Variants in SHROOM3 observed in about 807,000 individuals in gnomAD.
The protein encoded by SHROOM3 is protein Shroom3.
A neutral mutation model predicts 138.6 loss-of-function variants in SHROOM3; 47 were observed. The ratio of observed to expected loss-of-function variants is 0.34; its 90% CI spans 0.27 to 0.43. The LOEUF is 0.43. Among genes scored for constraint, SHROOM3 ranks in the 20% least tolerant of loss-of-function variants. SHROOM3 has a pLI of 1.00. For synonymous variants in SHROOM3, 1,062 were observed against 1,063.3 expected (o/e 1.00, Z 0.02); for missense variants, 2,491 against 2,596.5 (o/e 0.96, Z 0.88).
At chr4:76,747,848 A>G (rs1377709325) in intron 5 of SHROOM3, among the ~76,000 whole-genome samples, 1 of 152,180 alleles carries the variant, frequency 6.6e-6, no homozygotes, top group Non-Finnish European at 1.5e-5. Flanking sequence ...TTCAACCTAT[A>G]AAGATTCCAT....
chr4:76,445,362 G>T (rs925374521), intron 1 of SHROOM3, among the ~76,000 whole-genome samples: 1 of 152,286 alleles, frequency 6.6e-6, no homozygotes, highest in Admixed American at 6.5e-5. Flanking sequence ...GCTAATTTCA[G>T]GGTGTGGTAA....
intron 2 of SHROOM3, among the ~76,000 whole-genome samples, chr4:76,593,361 G>A (rs1734315386): frequency 1.3e-5 from 2 of 152,154 alleles, no homozygotes; most frequent in South Asian, 2.1e-4. Flanking sequence ...TCCTACCAGA[G>A]ATCATGTAAT....
intron 2 of SHROOM3, chr4:76,689,535 G>T: frequency 2.0e-6 from 2 of 984,006 alleles, no homozygotes; most frequent in African/African-American, 1.7e-5. Context: ...GCCGCGGCGC[G>T]GTGGCGCGGT....
At chr4:76,457,632 C>T (rs1457181700) in intron 1 of SHROOM3, among the ~76,000 whole-genome samples, 4 of 151,672 alleles carry the variant, frequency 2.6e-5, no homozygotes, top group Non-Finnish European at 5.9e-5. Flanking sequence ...GCTGGGATTA[C>T]AGGCACGCAC....
At chr4:76,776,928 G>C (rs1578041614) in intron 10 of SHROOM3, among the ~76,000 whole-genome samples, 1 of 152,014 alleles carries the variant, frequency 6.6e-6, no homozygotes, top group Non-Finnish European at 1.5e-5. Flanking sequence ...TTTATTTCTG[G>C]GTTCTCTATT....
rs1186107271 is a variant in SHROOM3 at position 76,709,957 on chromosome 4, C to T, written c.324-199C>T. ...GAGGAACATGGATAAAAAAGGAAGACACGACACTCAGTAGTGGATTCGCCT... is the reference window on the plus strand; with the variant it reads ...GAGGAACATGGATAAAAAAGGAAGATACGACACTCAGTAGTGGATTCGCCT... On this transcript the variant is annotated intron_variant, in intron 2 of 10. Transcript: ENST00000296043. 5.2e-6 allele frequency: 3 copies of T among 576,640 alleles called. No individual in the cohort carries two copies. The South Asian group carries it at 6.1e-5, about 12-fold the overall frequency. 35.7% of individuals were successfully genotyped at this position (576,640 alleles called of 1,614,324 possible).
chr4:76,741,446 G>C lies in SHROOM3; in HGVS notation c.3273G>C (p.Gln1091His), dbSNP rs1218393219. 6 of 1,583,828 alleles carry C rather than the reference G, an allele frequency of 3.8e-6. No homozygotes were observed. The highest frequency in any genetic ancestry group is 3.4e-5 in the South Asian group (3 of 87,376). Reference protein sequence around the residue: ...FQQSALADYIQRKTGKRPTSA... With the variant: ...FQQSALADYIHRKTGKRPTSA... ...AGAGCGCCCTGGCGGACTACATCCAGCGCAAGACCGGCAAGCGGCCTACCT... is the reference window on the plus strand; with the variant it reads ...AGAGCGCCCTGGCGGACTACATCCACCGCAAGACCGGCAAGCGGCCTACCT... Residue 1091 changes from glutamine (Q) to histidine (H), a missense_variant, in exon 5 of 11, where the codon CAG becomes CAC. Physicochemically the swap from Gln to His is conservative, Grantham distance 24. Around this residue, in one of 4 missense-constraint regions of SHROOM3, gnomAD observed 1,733 missense variants for 1,661.6 expected, o/e 1.04. Transcript: ENST00000296043. This position sits in a 1 kb window ranked among gnomAD's most constrained non-coding sequence, Gnocchi z 6.2.
chr4:76,442,944 T>G (rs139541187), intron 1 of SHROOM3, among the ~76,000 whole-genome samples: 86 of 152,314 alleles, frequency 5.6e-4, no homozygotes, highest in African/African-American at 1.9e-3. Flanking sequence ...AAAATCTTTG[T>G]TAGAAGCTAC....
chr4:76,736,365 C>CCATT (rs1246105202), intron 4 of SHROOM3, among the ~76,000 whole-genome samples: 6 of 152,138 alleles, frequency 3.9e-5, no homozygotes, highest in African/African-American at 1.4e-4. Context: ...GTAGGATGCG[C>CCATT]CATTCAGTCA....
At chr4:76,537,982 A>G (rs2110019052) in intron 1 of SHROOM3, among the ~76,000 whole-genome samples, 1 of 152,288 alleles carries the variant, frequency 6.6e-6, no homozygotes, top group East Asian at 1.9e-4. Flanking sequence ...ATCTCTGCTC[A>G]CTGCAACCTC....
At chr4:76,688,934 G>A in intron 2 of SHROOM3, 1 of 976,630 alleles carries the variant, frequency 1.0e-6, no homozygotes, top group Non-Finnish European at 1.2e-6. Context: ...CTGAGAAAAA[G>A]GATGGTTATT....
chr4:76,459,379 C>A (rs185590733), intron 1 of SHROOM3, among the ~76,000 whole-genome samples: 2 of 152,222 alleles, frequency 1.3e-5, no homozygotes, highest in Non-Finnish European at 2.9e-5. Context: ...TGCTACACAG[C>A]CGAATAGTTG....
chr4:76,612,167 C>G (rs1437977040), intron 2 of SHROOM3, among the ~76,000 whole-genome samples: 1 of 152,078 alleles, frequency 6.6e-6, no homozygotes, highest in Non-Finnish European at 1.5e-5. Context: ...ATGGCAGTAT[C>G]CAGTAATAAT....
intron 5 of SHROOM3, among the ~76,000 whole-genome samples, chr4:76,743,016 T>C (rs1455346760): frequency 6.6e-6 from 1 of 152,232 alleles, no homozygotes. Context: ...AATACGACCT[T>C]ATATGTATAA....
At chr4:76,571,069 T>C (rs934437722) in intron 2 of SHROOM3, among the ~76,000 whole-genome samples, 2 of 152,234 alleles carry the variant, frequency 1.3e-5, no homozygotes, top group African/African-American at 2.4e-5. Flanking sequence ...TATCTTTAAA[T>C]AAATAATTTT....
At chr4:76,686,989 C>T (rs555914509) in intron 2 of SHROOM3, among the ~76,000 whole-genome samples, 1 of 152,284 alleles carries the variant, frequency 6.6e-6, no homozygotes, top group Non-Finnish European at 1.5e-5. Flanking sequence ...GGGACTTATT[C>T]CAGTCTCTCT....
chr4:76,659,148 A>G (rs534394342), intron 2 of SHROOM3, among the ~76,000 whole-genome samples: 1 of 152,068 alleles, frequency 6.6e-6, no homozygotes, highest in East Asian at 1.9e-4. Context: ...AAATTGTCTC[A>G]TTGGAACCCT....
chr4:76,597,998 G>C (rs978016509), intron 2 of SHROOM3, among the ~76,000 whole-genome samples: 9 of 151,606 alleles, frequency 5.9e-5, no homozygotes, highest in Non-Finnish European at 7.4e-5. Flanking sequence ...AGCATCTACT[G>C]GTGAAAGTAG....
chr4:76,686,326 T>A (rs1826526), intron 2 of SHROOM3, among the ~76,000 whole-genome samples: 45,213 of 151,994 alleles, frequency 0.3, 6,974 homozygotes, highest in East Asian at 0.42. Flanking sequence ...TGAAATTTAG[T>A]TGAATATTTT....
Sources: gnomAD v4.1 joint callset for allele counts (sites outside exome capture counted in the v4.1 genomes callset) on GRCh38, gnomAD v4.1.1 for gene constraint, gnomAD v4.1.1 regional missense constraint, Gnocchi (gnomAD v3.1) non-coding constraint, MANE v1.5 for transcripts, NCBI Gene and HGNC (gene_info 2026-07-23, HGNC 2026-07-21) for gene names.